The following GCG variants were observed in gnomAD, a reference collection of about 807,000 sequenced individuals.
GCG encodes the protein glucagon.
Under a neutral mutation model 22.8 loss-of-function variants are expected in GCG, and 11 were observed. That is an observed-to-expected ratio of 0.48 (90% CI 0.30 to 0.80). The LOEUF (loss-of-function observed/expected upper bound fraction) is 0.80. Ranked by LOEUF, GCG falls within the 30% of genes least tolerant of loss-of-function variation. GCG has a pLI of 0.06. For missense variants in GCG, 222 were observed against 222.0 expected (o/e 1.00, Z 0.00); for synonymous variants, 89 against 72.4 (o/e 1.23, Z -1.16).
At chr2:162,145,925 C>T (rs1441442631) in intron 3 of GCG, among the ~76,000 whole-genome samples, 1 of 152,124 alleles carries the variant, frequency 6.6e-6, no homozygotes, top group Non-Finnish European at 1.5e-5. Context: ...CATCTGCAAT[C>T]CCCTGCTTAT....
Position 162,143,347 on chromosome 2 carries a change from C to A in GCG, c.*17G>T. The A allele has an allele frequency of 2.4e-6, 3 of 1,228,120 alleles. No homozygotes were observed. The highest frequency in any genetic ancestry group is 3.4e-6 in the Non-Finnish European group (3 of 875,374). 76.1% of individuals were successfully genotyped at this position (1,228,120 alleles called of 1,614,324 possible). On this transcript the variant is annotated 3_prime_UTR_variant, in exon 6 of 6. Transcript: ENST00000418842. Reference sequence around the variant, plus strand: ...TAGCAGGTGATGTTGTGAAGATGATCTTGAATAGTGATATAGTTATTTCCT... The same window carrying A: ...TAGCAGGTGATGTTGTGAAGATGATATTGAATAGTGATATAGTTATTTCCT...
At chr2:162,144,882 C>T (rs1269451612) in intron 4 of GCG, 1 of 151,990 alleles carries the variant, frequency 6.6e-6, no homozygotes, top group South Asian at 2.1e-4. Flanking sequence ...GTGTTAAGAT[C>T]TAAGCAAGTA....
At chr2:162,143,988 G>C (rs746207015) in intron 5 of GCG, 39 bp downstream of exon 5, 1 of 1,584,160 alleles carries the variant, frequency 6.3e-7, no homozygotes, top group Non-Finnish European at 8.7e-7. Flanking sequence ...GTACTTATGA[G>C]AATTTGATGG....
At position 162,147,437 on chromosome 2, in the gene GCG, G is replaced by A. The variant is rs1356355118; in HGVS notation, c.170C>T (p.Thr57Ile). 1 of 1,612,558 alleles carries A rather than the reference G, an allele frequency of 6.2e-7. No homozygotes were observed. Among genetic ancestry groups the A allele is most frequent in the Non-Finnish European group, 8.5e-7 (1 of 1,178,832 alleles). Residue 57 changes from threonine to isoleucine, a missense_variant, in exon 3 of 6, where the codon ACA (threonine) becomes ATA (isoleucine). Transcript: ENST00000418842. The part of the protein sequence containing the change: ...MNEDKRHSQG[T>I]FTSDYSKYLD... Reference sequence around the variant, plus strand: ...ATACTTGCTGTAGTCACTGGTGAATGTGCCCTGTGAATGGCGCTTGTCCTC... The same window carrying A: ...ATACTTGCTGTAGTCACTGGTGAATATGCCCTGTGAATGGCGCTTGTCCTC...
chr2:162,145,449 C>T (rs953531576), intron 4 of GCG, 91 bp downstream of exon 4: 3 of 1,027,106 alleles, frequency 2.9e-6, no homozygotes, highest in Non-Finnish European at 4.2e-6. Context: ...CTACTAATTG[C>T]TTCTGTAATC....
intron 5 of GCG, chr2:162,143,807 C>T (rs933246770): frequency 3.5e-6 from 2 of 563,728 alleles, no homozygotes; most frequent in East Asian, 3.0e-5. Flanking sequence ...AATAGACACT[C>T]AGTAAATGTT....
At chr2:162,145,806 T>C (rs964560128) in intron 3 of GCG, 129 bp from the exon 4 acceptor site, 4 of 646,454 alleles carry the variant, frequency 6.2e-6, no homozygotes, top group Non-Finnish European at 1.0e-5. Flanking sequence ...GAGATGAGGG[T>C]TGCTAGGGGA....
At chr2:162,146,538 TTC>T (rs59717414) in intron 3 of GCG, among the ~76,000 whole-genome samples, 17,276 of 133,210 alleles carry the variant, frequency 0.13, 1,088 homozygotes, top group African/African-American at 0.17. Flanking sequence ...TGCTTGCTTG[TTC>T]TCTCTCTCTC....
intron 4 of GCG, 133 bp downstream of exon 4, chr2:162,145,407 A>G: frequency 2.6e-6 from 2 of 778,300 alleles, no homozygotes; most frequent in South Asian, 2.4e-5. Context: ...ACTGTTTTTC[A>G]TCAATAGGAA....
chr2:162,147,657 C>A (rs1284369989), intron 2 of GCG, 143 bp from the exon 3 acceptor site: 3 of 787,228 alleles, frequency 3.8e-6, no homozygotes, highest in Non-Finnish European at 6.9e-6. Context: ...TTAGAAAGAT[C>A]TTCCTTAGCT....
At chr2:162,146,084 G>A (rs1462388803) in intron 3 of GCG, among the ~76,000 whole-genome samples, 2 of 152,134 alleles carry the variant, frequency 1.3e-5, no homozygotes, top group African/African-American at 4.8e-5. Flanking sequence ...TTGAGGGAAA[G>A]CAAAGGACCA....
chr2:162,144,242 T>C (rs1361766429), intron 4 of GCG, 72 bp from the exon 5 acceptor site: 6 of 1,157,934 alleles, frequency 5.2e-6, no homozygotes, highest in Non-Finnish European at 6.5e-6. Context: ...TGTCTACCAC[T>C]GGTAACATGC....
In GCG at chr2:162,143,349, T is replaced by C; in HGVS notation, c.*15A>G. On this transcript the variant is annotated 3_prime_UTR_variant, in exon 6 of 6. Transcript: ENST00000418842. ...GCAGGTGATGTTGTGAAGATGATCT[T>C]GAATAGTGATATAGTTATTTCCTAG... is the stretch of plus-strand genomic sequence containing the variant. The C allele has an allele frequency of 8.1e-7, 1 of 1,229,714 alleles. No individual in the cohort carries two copies. The highest frequency in any genetic ancestry group is 1.1e-6 in the Non-Finnish European group (1 of 875,292). The allele number at this position is 1,229,714 out of a possible 1,614,324, so 76.2% of individuals were successfully genotyped here.
At chr2:162,146,541 TC>T (rs1686689088) in intron 3 of GCG, among the ~76,000 whole-genome samples, 1 of 29,570 alleles carries the variant, frequency 3.4e-5, no homozygotes, top group African/African-American at 1.9e-4. Flanking sequence ...TTGCTTGTTC[TC>T]TCTCTCTCTC....
At chr2:162,150,914 C>T (rs918110533) in intron 1 of GCG, among the ~76,000 whole-genome samples, 1 of 151,716 alleles carries the variant, frequency 6.6e-6, no homozygotes, top group Non-Finnish European at 1.5e-5. Context: ...GTGAGCGTTC[C>T]GTATCTAATA....
chr2:162,150,926 T>A (rs1373231487), intron 1 of GCG, among the ~76,000 whole-genome samples: 1 of 151,980 alleles, frequency 6.6e-6, no homozygotes, highest in Non-Finnish European at 1.5e-5. Context: ...TATCTAATAA[T>A]ATTACCAACA....
intron 2 of GCG, among the ~76,000 whole-genome samples, chr2:162,147,880 G>A (rs2106196824): frequency 6.6e-6 from 1 of 152,050 alleles, no homozygotes. Context: ...CATTTCTTTG[G>A]GCAGCAGATT....
intron 1 of GCG, among the ~76,000 whole-genome samples, chr2:162,149,976 T>C (rs1686793036): frequency 6.6e-6 from 1 of 152,154 alleles, no homozygotes; most frequent in Non-Finnish European, 1.5e-5. Flanking sequence ...TGGACTTAGA[T>C]GAGGACATGT....
At chr2:162,151,297 G>T (rs1025267848) in intron 1 of GCG, among the ~76,000 whole-genome samples, 4 of 152,104 alleles carry the variant, frequency 2.6e-5, no homozygotes, top group Admixed American at 1.3e-4. Flanking sequence ...TGTTGGCATT[G>T]TAGTCCATAT....
Sources: allele counts gnomAD v4.1 joint callset (sites outside exome capture counted in the v4.1 genomes callset), GRCh38; gene constraint gnomAD v4.1.1; transcripts MANE v1.5; gene names NCBI Gene and HGNC (gene_info 2026-07-23, HGNC 2026-07-21).